RANBP2: variants seen among roughly 807,000 people sequenced by gnomAD.
The protein encoded by RANBP2 is RAN binding protein 2.
In RANBP2, 57 loss-of-function variants were observed where a neutral mutation model predicts 303.6. The ratio of observed to expected loss-of-function variants is 0.19; its 90% CI spans 0.15 to 0.23. The LOEUF (loss-of-function observed/expected upper bound fraction) is 0.23. RANBP2 is among the 10% of genes least tolerant of loss of function. The pLI, the probability that RANBP2 is intolerant of heterozygous loss-of-function variation, is 1.00. For synonymous variants in RANBP2, 1,167 were observed against 1,301.5 expected, an observed-to-expected ratio of 0.90 and a Z score of 2.23; for missense variants, 3,138 against 3,780.8, an observed-to-expected ratio of 0.83 and a Z score of 4.46.
chr2:109,298,791 C>G, the RANBP2 span, among the ~76,000 whole-genome samples: 102 of 152,330 alleles, frequency 6.7e-4, no homozygotes, highest in Non-Finnish European at 1.1e-3. Flanking sequence ...CTCTGTGTCT[C>G]TCCCCAGGAT....
chr2:108,970,641 T>A, the RANBP2 span, among the ~76,000 whole-genome samples: 1 of 152,062 alleles, frequency 6.6e-6, no homozygotes, highest in Non-Finnish European at 1.5e-5. Context: ...AATACTTCAC[T>A]TCCTTCCTGC....
At chr2:109,463,437 G>C in the RANBP2 span, among the ~76,000 whole-genome samples, 1 of 152,212 alleles carries the variant, frequency 6.6e-6, no homozygotes, top group African/African-American at 2.4e-5. Context: ...AGTTCCCACT[G>C]TAAGGTCCGG....
At chr2:109,079,767 G>A in the RANBP2 span, among the ~76,000 whole-genome samples, 8 of 152,222 alleles carry the variant, frequency 5.3e-5, no homozygotes, top group African/African-American at 1.9e-4. Flanking sequence ...GGTTGGGGAG[G>A]CTCCCTGGGA....
At chr2:108,739,889 G>A (rs921944538) in intron 6 of RANBP2, among the ~76,000 whole-genome samples, 16 of 152,044 alleles carry the variant, frequency 1.1e-4, no homozygotes, top group African/African-American at 3.9e-4. Context: ...TCAGAAGGCT[G>A]AGTCAGGAGA....
chr2:109,189,622 C>T, the RANBP2 span, among the ~76,000 whole-genome samples: 2 of 152,116 alleles, frequency 1.3e-5, no homozygotes, highest in East Asian at 3.9e-4. Flanking sequence ...CCTCCTTGGC[C>T]TCCCAAAGTG....
chr2:109,252,744 A>T, the RANBP2 span, among the ~76,000 whole-genome samples: 2 of 152,234 alleles, frequency 1.3e-5, no homozygotes, highest in Non-Finnish European at 2.9e-5. Flanking sequence ...TAATCAGCCT[A>T]CAGTTGGGCT....
chr2:109,049,739 T>C, the RANBP2 span, among the ~76,000 whole-genome samples: 1 of 152,234 alleles, frequency 6.6e-6, no homozygotes, highest in African/African-American at 2.4e-5. Context: ...TCTGTCAAGC[T>C]TTTATGAAAC....
At chr2:109,104,424 C>T in the RANBP2 span, among the ~76,000 whole-genome samples, 4 of 141,944 alleles carry the variant, frequency 2.8e-5, no homozygotes, top group South Asian at 4.7e-4. Flanking sequence ...TCTTTTTGAC[C>T]GAGAGAGGGG....
the RANBP2 span, among the ~76,000 whole-genome samples, chr2:109,535,792 A>G: frequency 6.6e-5 from 10 of 152,162 alleles, no homozygotes; most frequent in Admixed American, 6.5e-5. Flanking sequence ...AGTACACACA[A>G]GTAAATGTCA....
At chr2:109,502,010 A>C in the RANBP2 span, 1 of 258,774 alleles carries the variant, frequency 3.9e-6, no homozygotes, top group Non-Finnish European at 7.6e-6. Context: ...TTTACCACCT[A>C]AGCAGGGTTG....
chr2:109,387,828 T>C, the RANBP2 span, among the ~76,000 whole-genome samples: 993 of 151,856 alleles, frequency 6.5e-3, 10 homozygotes, highest in East Asian at 0.052. Flanking sequence ...AATTCCACCT[T>C]CTTCTTCCAA....
chr2:108,922,882 G>A, the RANBP2 span, among the ~76,000 whole-genome samples: 1 of 152,172 alleles, frequency 6.6e-6, no homozygotes, highest in Non-Finnish European at 1.5e-5. Flanking sequence ...ACACCCCAAG[G>A]CAGGATTATA....
chr2:109,666,491 C>G, the RANBP2 span, among the ~76,000 whole-genome samples: 1 of 152,226 alleles, frequency 6.6e-6, no homozygotes, highest in Non-Finnish European at 1.5e-5. Flanking sequence ...AACTTACTAA[C>G]AACGTTTCTG....
the RANBP2 span, among the ~76,000 whole-genome samples, chr2:109,418,808 G>A: frequency 7.2e-5 from 11 of 152,170 alleles, no homozygotes; most frequent in East Asian, 7.7e-4. Flanking sequence ...GAAGGCCAGG[G>A]CAGGGCGAGC....
the RANBP2 span, among the ~76,000 whole-genome samples, chr2:109,680,249 A>T: frequency 6.6e-6 from 1 of 151,230 alleles, no homozygotes; most frequent in African/African-American, 2.4e-5. Flanking sequence ...GCTACTTGGG[A>T]GGCTGAGGCA....
At chr2:108,936,521 C>T in the RANBP2 span, among the ~76,000 whole-genome samples, 2 of 152,186 alleles carry the variant, frequency 1.3e-5, no homozygotes, top group African/African-American at 4.8e-5. Context: ...TCCCCGGCCT[C>T]CCACGCTCTC....
chr2:108,927,067 G>A, the RANBP2 span, among the ~76,000 whole-genome samples: 8 of 152,224 alleles, frequency 5.3e-5, no homozygotes, highest in East Asian at 1.9e-4. Context: ...TTTGGTGGGC[G>A]TTGGGACTGG....
At chr2:109,032,566 T>C in the RANBP2 span, among the ~76,000 whole-genome samples, 3 of 151,900 alleles carry the variant, frequency 2.0e-5, no homozygotes, top group Non-Finnish European at 4.4e-5. Flanking sequence ...ACTCCATCCA[T>C]GCGCTTTCTC....
the RANBP2 span, among the ~76,000 whole-genome samples, chr2:109,452,793 GA>G: frequency 6.6e-6 from 1 of 151,636 alleles, no homozygotes; most frequent in African/African-American, 2.4e-5. Context: ...TGGTCCCTGG[GA>G]GGCTGGTGCT....
Sources: allele counts gnomAD v4.1 joint callset (sites outside exome capture counted in the v4.1 genomes callset), GRCh38; gene constraint gnomAD v4.1.1; transcripts MANE v1.5; gene names NCBI Gene and HGNC (gene_info 2026-07-23, HGNC 2026-07-21).